TRDN: variants seen among roughly 807,000 people sequenced by gnomAD.
TRDN encodes triadin in skeletal muscle.
Under a neutral mutation model 149.7 loss-of-function variants are expected in TRDN, and 161 were observed. That is an observed-to-expected ratio of 1.08 (90% CI 0.95 to 1.23). The LOEUF (loss-of-function observed/expected upper bound fraction) is 1.23, where lower values mean the gene tolerates loss of function less well. TRDN is among the 50% of genes most tolerant of loss of function. The pLI, the probability that TRDN is intolerant of heterozygous loss-of-function variation, is 0.00. For synonymous variants in TRDN, 294 were observed against 250.5 expected, an observed-to-expected ratio of 1.17 and a Z score of -1.64; for missense variants, 896 against 823.5, an observed-to-expected ratio of 1.09 and a Z score of -1.08.
chr6:123,551,370 C>T (rs9388255), intron 2 of TRDN, among the ~76,000 whole-genome samples: 58,647 of 150,256 alleles, frequency 0.39, 13,378 homozygotes, highest in East Asian at 0.85. Flanking sequence ...CACACACACA[C>T]ACACACACAC....
At chr6:123,595,754 C>CA (rs1402781111) in intron 1 of TRDN, among the ~76,000 whole-genome samples, 1 of 152,046 alleles carries the variant, frequency 6.6e-6, no homozygotes. Context: ...TATTTGTTTG[C>CA]ACCCATTAAT....
chr6:123,392,838 T>C (rs1339665926), intron 13 of TRDN, among the ~76,000 whole-genome samples: 4 of 152,054 alleles, frequency 2.6e-5, no homozygotes, highest in African/African-American at 9.7e-5. Context: ...TCATACATCA[T>C]GTGATGTGCT....
intron 9 of TRDN, among the ~76,000 whole-genome samples, chr6:123,483,265 G>A (rs1010952500): frequency 1.3e-5 from 2 of 151,298 alleles, no homozygotes; most frequent in Admixed American, 1.3e-4. Flanking sequence ...ACCATGCCAG[G>A]CTAATTTTTT....
intron 34 of TRDN, among the ~76,000 whole-genome samples, chr6:123,260,217 A>G (rs1378609776): frequency 6.6e-6 from 1 of 152,092 alleles, no homozygotes; most frequent in Non-Finnish European, 1.5e-5. Flanking sequence ...TACCTTTAGG[A>G]AATAAGAATT....
rs182621645 is a variant in TRDN at position 123,218,544 on chromosome 6, G to C, written c.*57C>G. The C allele has an allele frequency of 5.1e-5, 80 of 1,557,744 alleles. 1 individual carries two copies. In the Admixed American group the frequency reaches 8.4e-4, roughly 16 times the overall value. On this transcript the variant is annotated 3_prime_UTR_variant, in exon 41 of 41. Transcript: ENST00000334268. ...ATTCTTAATTGCCTGAACTACTGTG[G>C]ACAAAACATCACATTTTTAAAATCT...
intron 12 of TRDN, among the ~76,000 whole-genome samples, chr6:123,413,715 A>G (rs777215614): frequency 3.9e-5 from 6 of 152,164 alleles, no homozygotes; most frequent in Non-Finnish European, 7.4e-5. Flanking sequence ...ATTTTTTCAC[A>G]TAAAATTGTA....
rs754982716 is a variant in TRDN, at chr6:123,366,133, AC to A, written c.1321+1del. 11 of 1,611,002 alleles carry A rather than the reference AC, an allele frequency of 6.8e-6. No individual in the cohort carries two copies. Among genetic ancestry groups the A allele is most frequent in the Middle Eastern group, 3.3e-4 (2 of 6,078 alleles). The stretch of plus-strand genomic sequence containing the variant: ...ACATCTTTATCTTTAAGCTGCATTT[AC>A]CTTTTTTAATTGAAACCGCACCAAT... On this transcript the variant is annotated splice_donor_variant, in intron 20 of 40. Coordinates refer to ENST00000334268, the MANE Select transcript of TRDN (RefSeq NM_006073.4). LOFTEE classifies it high-confidence loss of function.
chr6:123,375,576 C>T (rs1308932175), intron 19 of TRDN, 29 bp downstream of exon 19: 2 of 1,522,000 alleles, frequency 1.3e-6, no homozygotes, highest in Middle Eastern at 1.7e-4. Flanking sequence ...CCCAAATATG[C>T]TCTTCTTTAA....
chr6:123,602,072 A>C (rs563048006), intron 1 of TRDN, among the ~76,000 whole-genome samples: 1 of 152,240 alleles, frequency 6.6e-6, no homozygotes, highest in South Asian at 2.1e-4. Flanking sequence ...CACCATTCTA[A>C]ACACTGGCAA....
At chr6:123,559,604 A>G (rs892733652) in intron 2 of TRDN, among the ~76,000 whole-genome samples, 5 of 151,982 alleles carry the variant, frequency 3.3e-5, no homozygotes, top group African/African-American at 1.2e-4. Flanking sequence ...CCCTTACCCC[A>G]ATCAATGCCA....
intron 1 of TRDN, among the ~76,000 whole-genome samples, chr6:123,612,952 A>T (rs1784891662): frequency 6.6e-6 from 1 of 152,048 alleles, no homozygotes; most frequent in Admixed American, 6.6e-5. Context: ...ATTCATTCCA[A>T]CTCTATTTTT....
At chr6:123,606,919 G>A (rs1041423427) in intron 1 of TRDN, among the ~76,000 whole-genome samples, 2 of 152,160 alleles carry the variant, frequency 1.3e-5, no homozygotes, top group South Asian at 4.1e-4. Context: ...CATGTTACAT[G>A]TTGGCAAGCA....
At chr6:123,589,505 A>G (rs57778953) in intron 1 of TRDN, among the ~76,000 whole-genome samples, 8,464 of 152,244 alleles carry the variant, frequency 0.056, 315 homozygotes, top group African/African-American at 0.084. Context: ...ACTAAGCTGA[A>G]TGCTTCAGAA....
intron 9 of TRDN, among the ~76,000 whole-genome samples, chr6:123,473,412 T>C (rs1303799627): frequency 1.3e-5 from 2 of 151,564 alleles, no homozygotes; most frequent in Non-Finnish European, 3.0e-5. Context: ...TAAAAAGAAG[T>C]GAGCAAAGCC....
At chr6:123,561,365 T>C (rs1400893572) in intron 2 of TRDN, among the ~76,000 whole-genome samples, 1 of 152,322 alleles carries the variant, frequency 6.6e-6, no homozygotes, top group East Asian at 1.9e-4. Context: ...TAAAAAGGAC[T>C]GGACAATACT....
At chr6:123,350,967 G>T in intron 21 of TRDN, 1 of 985,016 alleles carries the variant, frequency 1.0e-6, no homozygotes, top group African/African-American at 1.7e-5. Context: ...TAATGAAACT[G>T]ACACCAATGT....
In TRDN at chr6:123,577,663, T is replaced by C. The variant is rs114084446; in HGVS notation, c.23-6531A>G. ...TATTTCTCTAAGCATAGACCCAGTA[T>C]GGGATTGCTGGGTTGAATGAGTTCT... On this transcript the variant is annotated intron_variant, in intron 1 of 40. Coordinates refer to ENST00000334268, the MANE Select transcript of TRDN (RefSeq NM_006073.4). 4.2e-3 allele frequency among the ~76,000 whole-genome samples: 637 copies of C among 152,288 alleles called. 7 individuals are homozygous for C. Among genetic ancestry groups the C allele is most frequent in the African/African-American group, 0.015 (618 of 41,578 alleles).
intron 1 of TRDN, among the ~76,000 whole-genome samples, chr6:123,635,809 T>A (rs1583358849): frequency 6.6e-6 from 1 of 152,086 alleles, no homozygotes; most frequent in South Asian, 2.1e-4. Context: ...TAGATCCACC[T>A]CCAAAAGTTT....
intron 23 of TRDN, among the ~76,000 whole-genome samples, chr6:123,327,829 T>C (rs751493693): frequency 2.0e-5 from 3 of 152,202 alleles, no homozygotes; most frequent in African/African-American, 2.4e-5. Context: ...ATTGGTACTA[T>C]ATCTGATACA....
Sources: gnomAD v4.1 joint callset for allele counts (sites outside exome capture counted in the v4.1 genomes callset) on GRCh38, gnomAD v4.1.1 for gene constraint, MANE v1.5 for transcripts, NCBI Gene and HGNC (gene_info 2026-07-23, HGNC 2026-07-21) for gene names.